The following MACROD2 variants were observed in gnomAD, a reference collection of about 807,000 sequenced individuals.
MACROD2 encodes ADP-ribose glycohydrolase MACROD2.
Under a neutral mutation model 70.4 loss-of-function variants are expected in MACROD2, and 36 were observed. The ratio of observed to expected loss-of-function variants is 0.51; its 90% confidence interval spans 0.39 to 0.68. The LOEUF is 0.68. MACROD2 is among the 30% of genes least tolerant of loss of function. The pLI is 0.00. For synonymous variants in MACROD2, 172 were observed against 178.8 expected (o/e 0.96, Z 0.30); for missense variants, 496 against 538.4 (o/e 0.92, Z 0.78).
At chr20:14,500,803 C>A (rs1178802583) in intron 4 of MACROD2, among the ~76,000 whole-genome samples, 1 of 152,216 alleles carries the variant, frequency 6.6e-6, no homozygotes, top group Non-Finnish European at 1.5e-5. Flanking sequence ...TGCTCCTTCT[C>A]ATTGTAGCCA....
At chr20:14,664,357 G>T (rs921837881) in intron 4 of MACROD2, among the ~76,000 whole-genome samples, 1 of 152,122 alleles carries the variant, frequency 6.6e-6, no homozygotes, top group Non-Finnish European at 1.5e-5. Flanking sequence ...TGAAAAGAAT[G>T]TGAAATAATT....
At chr20:14,973,483 A>C (rs949488677) in intron 5 of MACROD2, among the ~76,000 whole-genome samples, 1 of 152,134 alleles carries the variant, frequency 6.6e-6, no homozygotes, top group African/African-American at 2.4e-5. Context: ...TCAGCCTCCC[A>C]AAGTGGTGGG....
At chr20:14,765,136 T>C (rs1165840333) in intron 5 of MACROD2, among the ~76,000 whole-genome samples, 1 of 152,158 alleles carries the variant, frequency 6.6e-6, no homozygotes, top group Non-Finnish European at 1.5e-5. Context: ...GGTTCTTACA[T>C]TTTAAGAAAC....
intron 12 of MACROD2, among the ~76,000 whole-genome samples, chr20:15,961,859 T>C (rs2066066388): frequency 6.6e-6 from 1 of 152,242 alleles, no homozygotes. Context: ...GCCTGTGGTG[T>C]GAGGCTTAGT....
At chr20:14,267,747 C>G (rs1411569236) in intron 3 of MACROD2, among the ~76,000 whole-genome samples, 2 of 152,024 alleles carry the variant, frequency 1.3e-5, no homozygotes, top group African/African-American at 4.8e-5. Context: ...AGACAAAAAT[C>G]TTTCTCAGTA....
chr20:14,954,457 G>A (rs1436450188), intron 5 of MACROD2, among the ~76,000 whole-genome samples: 1 of 140,390 alleles, frequency 7.1e-6, no homozygotes, highest in African/African-American at 2.6e-5. Flanking sequence ...TCTGTAAAAT[G>A]GAATTGAAAT....
chr20:14,776,237 G>T (rs759816653), intron 5 of MACROD2, among the ~76,000 whole-genome samples: 13 of 152,012 alleles, frequency 8.6e-5, no homozygotes, highest in Non-Finnish European at 1.9e-4. Context: ...GGGTTTCGTA[G>T]TCCAAAGTCT....
At chr20:15,134,707 T>C (rs1339565638) in intron 5 of MACROD2, among the ~76,000 whole-genome samples, 1 of 151,562 alleles carries the variant, frequency 6.6e-6, no homozygotes, top group Non-Finnish European at 1.5e-5. Flanking sequence ...AGGCAAGAAA[T>C]AACTAAAATC....
At chr20:14,487,234 A>G (rs181123146) in intron 3 of MACROD2, among the ~76,000 whole-genome samples, 5 of 152,230 alleles carry the variant, frequency 3.3e-5, no homozygotes, top group Admixed American at 6.5e-5. Flanking sequence ...GACCCTTGGC[A>G]TGTGCCAGGC....
At chr20:14,638,038 T>C (rs1269801805) in intron 4 of MACROD2, among the ~76,000 whole-genome samples, 1 of 152,146 alleles carries the variant, frequency 6.6e-6, no homozygotes, top group African/African-American at 2.4e-5. Flanking sequence ...GGTTTTTTTT[T>C]CTGTAGTAAA....
intron 3 of MACROD2, among the ~76,000 whole-genome samples, chr20:14,463,457 A>G (rs375684053): frequency 2.0e-5 from 3 of 151,900 alleles, no homozygotes; most frequent in South Asian, 4.1e-4. Context: ...GGGTTTTCTA[A>G]ATATACAATC....
intron 6 of MACROD2, among the ~76,000 whole-genome samples, chr20:15,343,599 C>A (rs1430289754): frequency 6.6e-6 from 1 of 152,104 alleles, no homozygotes; most frequent in Non-Finnish European, 1.5e-5. Flanking sequence ...GTAAATAATC[C>A]ATCAAGTTAG....
intron 8 of MACROD2, among the ~76,000 whole-genome samples, chr20:15,742,280 G>T (rs1157542160): frequency 6.6e-6 from 1 of 152,106 alleles, no homozygotes; most frequent in Non-Finnish European, 1.5e-5. Flanking sequence ...TTATTCTTAT[G>T]CTGTGAGATC....
intron 8 of MACROD2, among the ~76,000 whole-genome samples, chr20:15,701,446 A>G (rs2050456953): frequency 6.6e-6 from 1 of 152,164 alleles, no homozygotes; most frequent in South Asian, 2.1e-4. Flanking sequence ...TTATTATTAT[A>G]TATTTACTTC....
At chr20:14,774,187 GT>G (rs2072205725) in intron 5 of MACROD2, among the ~76,000 whole-genome samples, 1 of 152,142 alleles carries the variant, frequency 6.6e-6, no homozygotes, top group East Asian at 1.9e-4. Flanking sequence ...GCATTAAAGA[GT>G]GTCAGCTCTT....
intron 5 of MACROD2, among the ~76,000 whole-genome samples, chr20:14,965,414 T>G (rs2074623953): frequency 6.6e-6 from 1 of 151,796 alleles, no homozygotes; most frequent in Admixed American, 6.6e-5. Flanking sequence ...ATATTCTAAT[T>G]GTTTCCAACC....
chr20:14,196,678 C>G (rs961589528), intron 3 of MACROD2, among the ~76,000 whole-genome samples: 8 of 152,220 alleles, frequency 5.3e-5, no homozygotes, highest in African/African-American at 1.7e-4. Flanking sequence ...GGCAGGCATA[C>G]AGCTAGGCTT....
intron 3 of MACROD2, among the ~76,000 whole-genome samples, chr20:14,106,139 G>A (rs1024860022): frequency 1.3e-5 from 2 of 152,178 alleles, no homozygotes; most frequent in African/African-American, 4.8e-5. Context: ...AGCATTTATG[G>A]AACTGCCCTG....
chr20:15,352,664 C>T (rs1360478246), intron 6 of MACROD2, among the ~76,000 whole-genome samples: 6 of 152,070 alleles, frequency 3.9e-5, no homozygotes, highest in Non-Finnish European at 8.8e-5. Flanking sequence ...TCTCAGGATA[C>T]AAAATCAATG....
Sources: gnomAD v4.1 joint callset for allele counts (sites outside exome capture counted in the v4.1 genomes callset) on GRCh38, gnomAD v4.1.1 for gene constraint, MANE v1.5 for transcripts, NCBI Gene and HGNC (gene_info 2026-07-23, HGNC 2026-07-21) for gene names.